BCKDHB: variants seen among roughly 807,000 people sequenced by gnomAD.
The protein encoded by BCKDHB is branched chain keto acid dehydrogenase E1 subunit beta, also known as 2-oxoisovalerate dehydrogenase subunit beta, mitochondrial.
BCKDHB carries 41 observed loss-of-function variants against 48.5 expected under a neutral mutation model. The ratio of observed to expected loss-of-function variants is 0.85; its 90% CI spans 0.66 to 1.10. The LOEUF (loss-of-function observed/expected upper bound fraction) is 1.10. Ranked by LOEUF, BCKDHB falls within the 50% of genes least tolerant of loss-of-function variation. The pLI is 0.00. For missense variants in BCKDHB, 496 were observed against 494.2 expected, an observed-to-expected ratio of 1.00 and a Z score of -0.03; for synonymous variants, 201 against 174.8, an observed-to-expected ratio of 1.15 and a Z score of -1.18.
At chr6:80,287,019 T>C (rs1234349337) in intron 9 of BCKDHB, among the ~76,000 whole-genome samples, 2 of 152,174 alleles carry the variant, frequency 1.3e-5, no homozygotes, top group Non-Finnish European at 2.9e-5. Context: ...GACCATAGTT[T>C]CAGCTTCTAT....
At chr6:80,111,474 G>T (rs973423611) in intron 1 of BCKDHB, among the ~76,000 whole-genome samples, 2 of 152,172 alleles carry the variant, frequency 1.3e-5, no homozygotes, top group African/African-American at 4.8e-5. Flanking sequence ...ACTGGCAGGG[G>T]CTTAATATAG....
chr6:80,234,143 C>G (rs1421944916), intron 8 of BCKDHB, among the ~76,000 whole-genome samples: 2 of 152,188 alleles, frequency 1.3e-5, no homozygotes, highest in Non-Finnish European at 2.9e-5. Context: ...TGCTCCCTTG[C>G]CTGCTGCTCA....
At chr6:80,383,072 G>A in the BCKDHB span, among the ~76,000 whole-genome samples, 1 of 152,120 alleles carries the variant, frequency 6.6e-6, no homozygotes, top group Non-Finnish European at 1.5e-5. Flanking sequence ...GCATTTTGGG[G>A]TCAGGCTGAA....
At chr6:80,354,107 T>C in the BCKDHB span, among the ~76,000 whole-genome samples, 1 of 152,186 alleles carries the variant, frequency 6.6e-6, no homozygotes, top group East Asian at 1.9e-4. Flanking sequence ...ATGAATAGTT[T>C]GCAAAAATGT....
chr6:80,444,105 A>T, the BCKDHB span, among the ~76,000 whole-genome samples: 1 of 152,116 alleles, frequency 6.6e-6, no homozygotes, highest in African/African-American at 2.4e-5. Flanking sequence ...ATTTTTAGTT[A>T]GCTAGAAAAT....
chr6:80,254,394 T>G (rs1582447289), intron 8 of BCKDHB, among the ~76,000 whole-genome samples: 1 of 152,072 alleles, frequency 6.6e-6, no homozygotes, highest in East Asian at 1.9e-4. Context: ...GTACACTAAT[T>G]TTTAAAGATA....
At chr6:80,173,802 CTTTT>C (rs66729845) in intron 6 of BCKDHB, among the ~76,000 whole-genome samples, 1 of 137,324 alleles carries the variant, frequency 7.3e-6, no homozygotes. Context: ...TCTACTTTTC[CTTTT>C]TTTTTTTTTT....
At chr6:80,152,584 A>G (rs1026253003) in intron 3 of BCKDHB, among the ~76,000 whole-genome samples, 2 of 152,172 alleles carry the variant, frequency 1.3e-5, no homozygotes, top group Non-Finnish European at 2.9e-5. Context: ...TGACAGGGTG[A>G]TTTCCAAAGT....
At chr6:80,323,939 A>G (rs1052753319) in intron 9 of BCKDHB, among the ~76,000 whole-genome samples, 1 of 152,032 alleles carries the variant, frequency 6.6e-6, no homozygotes, top group East Asian at 1.9e-4. Flanking sequence ...CGGCCGGCTA[A>G]TTTTTTGTAT....
At chr6:80,305,770 C>G (rs557350859) in intron 9 of BCKDHB, among the ~76,000 whole-genome samples, 1 of 152,176 alleles carries the variant, frequency 6.6e-6, no homozygotes, top group South Asian at 2.1e-4. Context: ...TGTTCTGCCT[C>G]TCACCTACCA....
At chr6:80,443,107 G>A in the BCKDHB span, among the ~76,000 whole-genome samples, 2 of 152,148 alleles carry the variant, frequency 1.3e-5, no homozygotes, top group East Asian at 3.9e-4. Context: ...AAAGGGCACT[G>A]TCAAGGCCAT....
intron 6 of BCKDHB, among the ~76,000 whole-genome samples, chr6:80,176,664 C>T (rs192144881): frequency 6.6e-6 from 1 of 152,190 alleles, no homozygotes. Flanking sequence ...GAACCTTACA[C>T]AGGATTACAA....
At chr6:80,197,047 T>C (rs1330232851) in intron 6 of BCKDHB, among the ~76,000 whole-genome samples, 1 of 152,186 alleles carries the variant, frequency 6.6e-6, no homozygotes, top group Non-Finnish European at 1.5e-5. Flanking sequence ...TAGAGCGGTG[T>C]CAGTTAGTCC....
At chr6:80,189,987 A>AT (rs762407883) in intron 6 of BCKDHB, among the ~76,000 whole-genome samples, 2 of 152,110 alleles carry the variant, frequency 1.3e-5, no homozygotes, top group Non-Finnish European at 2.9e-5. Context: ...GGAGTTCTTC[A>AT]TTTTTTGTAG....
At chr6:80,150,550 C>CTTTTTTTTTTTTTT (rs758701261) in intron 3 of BCKDHB, among the ~76,000 whole-genome samples, 1 of 105,466 alleles carries the variant, frequency 9.5e-6, no homozygotes, top group Non-Finnish European at 1.8e-5. Flanking sequence ...AGTTTGTCAT[C>CTTTTTTTTTTTTTT]TTTTTTTTTT....
chr6:80,239,950 C>T (rs1419372314), intron 8 of BCKDHB, among the ~76,000 whole-genome samples: 1 of 152,140 alleles, frequency 6.6e-6, no homozygotes, highest in Non-Finnish European at 1.5e-5. Context: ...CTGTTCTGTT[C>T]CATTGGTCTA....
chr6:80,131,646 C>CT (rs980271237), intron 3 of BCKDHB, among the ~76,000 whole-genome samples: 128 of 145,396 alleles, frequency 8.8e-4, no homozygotes, highest in Admixed American at 1.0e-3. Flanking sequence ...ATACAAAATA[C>CT]TTTTTTTTTT....
intron 8 of BCKDHB, among the ~76,000 whole-genome samples, chr6:80,238,359 A>G (rs1325947947): frequency 6.6e-6 from 1 of 152,172 alleles, no homozygotes; most frequent in African/African-American, 2.4e-5. Context: ...TTGGCCTCCC[A>G]AAGTGCTGGG....
chr6:80,266,074 C>T (rs568243255), intron 8 of BCKDHB, among the ~76,000 whole-genome samples: 154 of 152,198 alleles, frequency 1.0e-3, no homozygotes, highest in Middle Eastern at 3.4e-3. Context: ...GTGGAAGATG[C>T]AGCACCCTGA....
Sources: gnomAD v4.1 joint callset for allele counts (sites outside exome capture counted in the v4.1 genomes callset) on GRCh38, gnomAD v4.1.1 for gene constraint, MANE v1.5 for transcripts, NCBI Gene and HGNC (gene_info 2026-07-23, HGNC 2026-07-21) for gene names.